The following CALN1 variants were observed in gnomAD, a reference collection of about 807,000 sequenced individuals.
The protein encoded by CALN1 is calcium-binding protein 8.
In CALN1, 17 loss-of-function variants were observed where a neutral mutation model predicts 30.6. The observed-to-expected ratio is 0.56, with a 90% CI of 0.38 to 0.83. The LOEUF (loss-of-function observed/expected upper bound fraction) is 0.83. Ranked by LOEUF, CALN1 falls within the 40% of genes least tolerant of loss-of-function variation. The pLI is 0.00. For synonymous variants in CALN1, 156 were observed against 131.4 expected (o/e 1.19, Z -1.28); for missense variants, 291 against 354.9 (o/e 0.82, Z 1.45).
At chr7:72,140,335 GAAGGA>G (rs1809821448) in intron 3 of CALN1, among the ~76,000 whole-genome samples, 1 of 77,974 alleles carries the variant, frequency 1.3e-5, no homozygotes, top group African/African-American at 5.7e-5. Context: ...AAGGGAGAAG[GAAGGA>G]AGGGAGGGAG....
intron 5 of CALN1, among the ~76,000 whole-genome samples, chr7:71,920,338 T>C (rs1175960330): frequency 6.9e-6 from 1 of 145,306 alleles, no homozygotes; most frequent in African/African-American, 2.6e-5. Flanking sequence ...TTCTTTTTTT[T>C]TTTTTTTTTT....
intron 4 of CALN1, among the ~76,000 whole-genome samples, chr7:72,045,782 C>T (rs1802427107): frequency 6.6e-6 from 1 of 151,888 alleles, no homozygotes; most frequent in South Asian, 2.1e-4. Context: ...GGTGGATCAC[C>T]TGAGGTCAGG....
At chr7:72,083,649 A>C (rs1048991152) in intron 4 of CALN1, among the ~76,000 whole-genome samples, 1 of 152,110 alleles carries the variant, frequency 6.6e-6, no homozygotes. Context: ...GGCCAGGCAC[A>C]GTGGCTCACA....
intron 1 of CALN1, among the ~76,000 whole-genome samples, chr7:72,421,556 G>T (rs2129563671): frequency 8.6e-6 from 1 of 116,172 alleles, no homozygotes; most frequent in East Asian, 3.7e-4. Flanking sequence ...CAGATGATAA[G>T]ATTTCATTTT....
At chr7:72,034,968 T>C (rs1801703000) in intron 4 of CALN1, among the ~76,000 whole-genome samples, 1 of 152,090 alleles carries the variant, frequency 6.6e-6, no homozygotes, top group Non-Finnish European at 1.5e-5. Context: ...TTTCTCTGCA[T>C]AAGTATTTAT....
chr7:72,365,213 G>A (rs1173791899), intron 2 of CALN1, among the ~76,000 whole-genome samples: 1 of 152,134 alleles, frequency 6.6e-6, no homozygotes, highest in Non-Finnish European at 1.5e-5. Context: ...GCTGAGGCAG[G>A]AGAATCACCT....
chr7:72,183,431 A>T (rs1431390106), intron 3 of CALN1, among the ~76,000 whole-genome samples: 2 of 152,196 alleles, frequency 1.3e-5, no homozygotes. Context: ...GTATACCTTA[A>T]ATCTGCCAGG....
At chr7:71,799,691 G>A (rs897893611) in intron 6 of CALN1, among the ~76,000 whole-genome samples, 1 of 151,986 alleles carries the variant, frequency 6.6e-6, no homozygotes, top group East Asian at 1.9e-4. Context: ...GGTCAGGCTG[G>A]TCTCGAACTC....
chr7:72,237,135 C>CCACCA (rs1794525560), intron 3 of CALN1, among the ~76,000 whole-genome samples: 1 of 152,072 alleles, frequency 6.6e-6, no homozygotes. Context: ...CAGGCATGTG[C>CCACCA]CACCACACCT....
At chr7:72,126,515 A>G (rs1298009796) in intron 3 of CALN1, among the ~76,000 whole-genome samples, 1 of 152,148 alleles carries the variant, frequency 6.6e-6, no homozygotes, top group Non-Finnish European at 1.5e-5. Flanking sequence ...ATAGACACCC[A>G]AAAGAAAAGT....
intron 1 of CALN1, among the ~76,000 whole-genome samples, chr7:72,445,014 C>T (rs1187029373): frequency 6.6e-6 from 1 of 150,930 alleles, no homozygotes; most frequent in African/African-American, 2.4e-5. Flanking sequence ...TCCACTGGGA[C>T]CTGCGTACAG....
intron 5 of CALN1, among the ~76,000 whole-genome samples, chr7:71,877,335 C>A (rs1015321421): frequency 2.6e-4 from 39 of 151,910 alleles, no homozygotes; most frequent in African/African-American, 8.7e-4. Flanking sequence ...TATTATTTTT[C>A]CACATTGTTT....
rs1007194427 is a variant in CALN1 at position 72,407,695 on chromosome 7, G to A, written c.-73-4253C>T. Among the ~76,000 whole-genome samples the A allele has an allele frequency of 3.3e-5, 5 of 152,252 alleles. No homozygotes were observed. In the East Asian group the frequency reaches 5.8e-4, roughly 18 times the overall value. ...TCTTTGTAAATTACCCAGTCTCAGG[G>A]ATTTCTTCAGAGCAGTGCAGTAACA... On this transcript the variant is annotated intron_variant, in intron 1 of 6. Coordinates refer to ENST00000395275, the MANE Select transcript of CALN1 (RefSeq NM_031468.4).
At chr7:72,312,433 A>C (rs1056408272) in intron 2 of CALN1, among the ~76,000 whole-genome samples, 4 of 151,300 alleles carry the variant, frequency 2.6e-5, no homozygotes, top group South Asian at 4.2e-4. Context: ...ACTTCCCTAT[A>C]ATATTTTGGA....
chr7:71,922,891 T>TA (rs1554381903), intron 5 of CALN1, among the ~76,000 whole-genome samples: 2 of 142,028 alleles, frequency 1.4e-5, no homozygotes, highest in Non-Finnish European at 3.0e-5. Flanking sequence ...TATATATTAA[T>TA]ATATATGTAT....
intron 3 of CALN1, among the ~76,000 whole-genome samples, chr7:72,125,052 G>A (rs916860469): frequency 2.0e-5 from 3 of 151,884 alleles, no homozygotes; most frequent in Non-Finnish European, 4.4e-5. Flanking sequence ...GTTTTGAAAC[G>A]GAGTCTCACT....
chr7:72,192,068 C>T (rs1161493140), intron 3 of CALN1, among the ~76,000 whole-genome samples: 1 of 152,152 alleles, frequency 6.6e-6, no homozygotes, highest in Non-Finnish European at 1.5e-5. Flanking sequence ...CCCCTTCCTC[C>T]GCATTCAAAG....
chr7:72,169,568 T>C (rs141850088), intron 3 of CALN1, among the ~76,000 whole-genome samples: 78 of 151,806 alleles, frequency 5.1e-4, no homozygotes, highest in African/African-American at 1.8e-3. Flanking sequence ...GGTGATTTTT[T>C]TGCCTCAGCC....
intron 3 of CALN1, among the ~76,000 whole-genome samples, chr7:72,200,906 TC>T (rs1344853940): frequency 6.6e-6 from 1 of 152,134 alleles, no homozygotes; most frequent in Non-Finnish European, 1.5e-5. Context: ...GAATTATCAT[TC>T]CATCCAGCAA....
Sources: gnomAD v4.1 joint callset for allele counts (sites outside exome capture counted in the v4.1 genomes callset) on GRCh38, gnomAD v4.1.1 for gene constraint, MANE v1.5 for transcripts, NCBI Gene and HGNC (gene_info 2026-07-23, HGNC 2026-07-21) for gene names.